OGDH: variants seen among roughly 807,000 people sequenced by gnomAD.
OGDH encodes the protein 2-oxoglutarate dehydrogenase complex component E1.
A neutral mutation model predicts 116.6 loss-of-function variants in OGDH; 38 were observed. The ratio of observed to expected loss-of-function variants is 0.33; its 90% CI spans 0.25 to 0.43. OGDH has a LOEUF of 0.43. Among genes scored for constraint, OGDH ranks in the 20% least tolerant of loss-of-function variants. The pLI is 1.00. For missense variants in OGDH, 825 were observed against 1,357.2 expected, an observed-to-expected ratio of 0.61 and a Z score of 6.16; for synonymous variants, 488 against 533.3, an observed-to-expected ratio of 0.92 and a Z score of 1.17.
chr7:44,702,071 C>CAA (rs79579664), intron 20 of OGDH, among the ~76,000 whole-genome samples: 7 of 57,444 alleles, frequency 1.2e-4, no homozygotes, highest in Admixed American at 5.9e-4. Flanking sequence ...AACTCCGGCA[C>CAA]AAAAAAAAAA....
chr7:44,696,045 T>C lies in OGDH; in HGVS notation c.1689T>C (p.Asp563=), dbSNP rs750244056. Residue 563 remains aspartate (D), a synonymous_variant, in exon 13 of 23, where the codon GAT becomes GAC. Transcript: ENST00000222673. ...PEYEEEISKY[D]KICEEAFARS... The stretch of plus-strand genomic sequence containing the variant: ...TCCAGGAGGAAATTTCCAAGTATGA[T>C]AAGATCTGTGAGGAAGCTTTTGCCA... 2 of 1,611,220 alleles carry C rather than the reference T, an allele frequency of 1.2e-6. No individual in the cohort carries two copies. The highest frequency in any genetic ancestry group is 8.5e-7 in the Non-Finnish European group (1 of 1,177,406).
chr7:44,686,676 ATTTTCTTT>A (rs1472127938), intron 10 of OGDH, among the ~76,000 whole-genome samples: 1 of 131,064 alleles, frequency 7.6e-6, no homozygotes, highest in South Asian at 2.4e-4. Context: ...GAAGGTTTTT[ATTTTCTTT>A]TTTTCTTTTT....
rs1788480232 is a variant in OGDH, at chr7:44,694,098, C to A, written c.1515+94C>A. 11 of 1,348,364 alleles carry A rather than the reference C, an allele frequency of 8.2e-6. No homozygotes were observed. The highest frequency in any genetic ancestry group is 1.0e-5 in the Non-Finnish European group (10 of 991,988). 83.5% of individuals were successfully genotyped at this position (1,348,364 alleles called of 1,614,324 possible). ...CTGTGTCCCAAGGAGAGGAGCTTGTCTAGATGAGTCACCTCAGGGCTCTCT... is the reference window on the plus strand; with the variant it reads ...CTGTGTCCCAAGGAGAGGAGCTTGTATAGATGAGTCACCTCAGGGCTCTCT... On this transcript the variant is annotated intron_variant, in intron 11 of 22. Coordinates refer to ENST00000222673, the MANE Select transcript of OGDH (RefSeq NM_002541.4). The surrounding 1 kb of genome is among the most constrained non-coding windows in gnomAD (Gnocchi z 4.2).
chr7:44,664,415 G>A (rs1338475581), intron 4 of OGDH, among the ~76,000 whole-genome samples: 1 of 152,186 alleles, frequency 6.6e-6, no homozygotes, highest in East Asian at 1.9e-4. Context: ...GTTTTCTCTG[G>A]TATTTGCCTG....
At chr7:44,631,248 G>A (rs1426706793) in intron 2 of OGDH, among the ~76,000 whole-genome samples, 2 of 152,198 alleles carry the variant, frequency 1.3e-5, no homozygotes, top group Non-Finnish European at 2.9e-5. Context: ...CATGGTCTAC[G>A]TAAATGGGGT....
intron 1 of OGDH, among the ~76,000 whole-genome samples, chr7:44,616,816 C>T (rs1397136957): frequency 4.9e-5 from 5 of 102,370 alleles, no homozygotes; most frequent in South Asian, 3.8e-4. Flanking sequence ...TGCATATATA[C>T]GTATATATGT....
intron 2 of OGDH, among the ~76,000 whole-genome samples, chr7:44,625,312 A>G (rs958641404): frequency 6.6e-6 from 1 of 151,886 alleles, no homozygotes; most frequent in Non-Finnish European, 1.5e-5. Flanking sequence ...TTTAGTAGAG[A>G]TGGGATTTTA....
intron 1 of OGDH, among the ~76,000 whole-genome samples, chr7:44,613,710 G>A (rs1267304511): frequency 1.3e-5 from 2 of 150,902 alleles, no homozygotes; most frequent in Non-Finnish European, 2.9e-5. Flanking sequence ...TGGCCAGGCC[G>A]TTCTCAAACT....
In OGDH at chr7:44,697,520, C is replaced by G. The variant is rs372200585; in HGVS notation, c.2179+23C>G. On this transcript the variant is annotated intron_variant, in intron 16 of 22. Transcript: ENST00000222673. The surrounding 1 kb of genome is among the most constrained non-coding windows in gnomAD (Gnocchi z 6.0). ...TGGGTGAGTGCCTGGAGCCACACCA[C>G]CAGGGCCTGTCACCCACCCACCCCC... 9.9e-6 allele frequency: 16 copies of G among 1,613,608 alleles called. No individual in the cohort carries two copies. The highest frequency in any genetic ancestry group is 1.4e-5 in the Non-Finnish European group (16 of 1,179,646).
At chr7:44,676,393 T>TA in intron 9 of OGDH, 1 of 790,134 alleles carries the variant, frequency 1.3e-6, no homozygotes, top group Non-Finnish European at 1.9e-6. Flanking sequence ...CCATCTCTAC[T>TA]AAAAATACAA....
chr7:44,644,678 C>T (rs950717479), intron 2 of OGDH, among the ~76,000 whole-genome samples: 5 of 152,316 alleles, frequency 3.3e-5, no homozygotes, highest in African/African-American at 1.2e-4. Context: ...GAGCTCTTAG[C>T]TCCTGAGTTT....
intron 7 of OGDH, among the ~76,000 whole-genome samples, 171 bp from the exon 8 acceptor site, chr7:44,675,007 C>T (rs1056946254): frequency 7.9e-5 from 12 of 151,434 alleles, no homozygotes; most frequent in South Asian, 2.1e-4. Context: ...TTGCCCAGCA[C>T]GGAGAGGCTC....
chr7:44,694,012 A>G lies in OGDH; in HGVS notation c.1515+8A>G. ...GACGTGGTTGTCGATTTGGTGAGTG[A>G]CTCTGGGGACAGCACGTCCTGGGCA... is the stretch of plus-strand genomic sequence containing the variant. On this transcript the variant is annotated splice_region_variant and intron_variant, in intron 11 of 22. Transcript: ENST00000222673. The surrounding 1 kb of genome is among the most constrained non-coding windows in gnomAD (Gnocchi z 4.2). 1 of 1,607,260 alleles carries G rather than the reference A, an allele frequency of 6.2e-7. No individual in the cohort carries two copies. Among genetic ancestry groups the G allele is most frequent in the Non-Finnish European group, 8.5e-7 (1 of 1,174,880 alleles).
chr7:44,660,618 G>A (rs1786894035), intron 4 of OGDH, among the ~76,000 whole-genome samples: 1 of 152,090 alleles, frequency 6.6e-6, no homozygotes, highest in Non-Finnish European at 1.5e-5. Flanking sequence ...TGCTATTGTT[G>A]GGTGGAGTAT....
chr7:44,684,756 T>TA (rs200864600), intron 10 of OGDH, among the ~76,000 whole-genome samples: 1,927 of 151,398 alleles, frequency 0.013, 39 homozygotes, highest in African/African-American at 0.043. Flanking sequence ...CAGAGATGTC[T>TA]AAAAAAAACC....
intron 4 of OGDH, among the ~76,000 whole-genome samples, chr7:44,657,763 TG>T (rs1387261372): frequency 6.6e-6 from 1 of 152,248 alleles, no homozygotes; most frequent in Non-Finnish European, 1.5e-5. Flanking sequence ...TATAGTTTTG[TG>T]TTTTACATAT....
In OGDH at chr7:44,665,880, T is replaced by C. The variant is rs116273847; in HGVS notation, c.518-856T>C. Among the ~76,000 whole-genome samples the C allele has an allele frequency of 2.5e-3, 386 of 152,332 alleles. 2 individuals are homozygous for C. Among genetic ancestry groups the C allele is most frequent in the African/African-American group, 9.0e-3 (375 of 41,576 alleles). ...AGTCTTCCTCTTTGATACAGCAAGA[T>C]GAAACAAGCATATAATGCCACAGAA... On this transcript the variant is annotated intron_variant, in intron 4 of 22. Transcript: ENST00000222673.
chr7:44,692,100 A>G (rs1788390134), intron 10 of OGDH, among the ~76,000 whole-genome samples: 1 of 152,128 alleles, frequency 6.6e-6, no homozygotes, highest in African/African-American at 2.4e-5. Context: ...ACAGCTACTC[A>G]GGAGAGCATT....
At chr7:44,628,432 A>G (rs1239377778) in intron 2 of OGDH, among the ~76,000 whole-genome samples, 3 of 147,712 alleles carry the variant, frequency 2.0e-5, no homozygotes, top group Non-Finnish European at 3.0e-5. Context: ...TGTATTCCTT[A>G]TTTTTAATTT....
Sources: gnomAD v4.1 joint callset for allele counts (sites outside exome capture counted in the v4.1 genomes callset) on GRCh38, gnomAD v4.1.1 for gene constraint, Gnocchi (gnomAD v3.1) non-coding constraint, MANE v1.5 for transcripts, NCBI Gene and HGNC (gene_info 2026-07-23, HGNC 2026-07-21) for gene names.